SPMAP2L: variants seen among roughly 807,000 people sequenced by gnomAD.
SPMAP2L encodes the protein sperm microtubule associated protein 2 like.
the SPMAP2L span, among the ~76,000 whole-genome samples, chr4:56,544,389 C>T: frequency 1.3e-5 from 2 of 152,150 alleles, no homozygotes; most frequent in African/African-American, 2.4e-5. Context: ...ATACGGTAAC[C>T]TTTACTGAAG....
chr4:56,560,568 A>G, the SPMAP2L span, among the ~76,000 whole-genome samples: 2 of 152,186 alleles, frequency 1.3e-5, no homozygotes, highest in Non-Finnish European at 2.9e-5. Context: ...AAGGTGCTAC[A>G]GGAATCTCCA....
chr4:56,619,303 G>A, the SPMAP2L span, among the ~76,000 whole-genome samples: 1 of 152,112 alleles, frequency 6.6e-6, no homozygotes, highest in African/African-American at 2.4e-5. Context: ...AGTTAAGGAG[G>A]AACTACTGTA....
At chr4:56,604,615 A>C in the SPMAP2L span, among the ~76,000 whole-genome samples, 2 of 151,816 alleles carry the variant, frequency 1.3e-5, no homozygotes, top group Non-Finnish European at 1.5e-5. Context: ...CCGAGATTGC[A>C]CCACTGCACT....
At chr4:56,545,068 T>C in the SPMAP2L span, among the ~76,000 whole-genome samples, 1 of 152,164 alleles carries the variant, frequency 6.6e-6, no homozygotes, top group Non-Finnish European at 1.5e-5. Context: ...TACTGACATT[T>C]GCATGTGATT....
the SPMAP2L span, among the ~76,000 whole-genome samples, chr4:56,549,445 C>T: frequency 0.011 from 1,746 of 152,164 alleles, 19 homozygotes; most frequent in Non-Finnish European, 0.018. Flanking sequence ...ATCTCCCTTG[C>T]CTCTAATTCA....
chr4:56,569,023 G>T, the SPMAP2L span, among the ~76,000 whole-genome samples: 9 of 152,138 alleles, frequency 5.9e-5, no homozygotes, highest in Admixed American at 2.0e-4. Context: ...ATCTTTAATT[G>T]TATGGCTTTG....
the SPMAP2L span, chr4:56,584,552 C>A: frequency 3.3e-6 from 5 of 1,535,246 alleles, no homozygotes; most frequent in African/African-American, 5.5e-5. Context: ...TCCTTCTCCC[C>A]GGATATTACA....
chr4:56,551,792 A>G, the SPMAP2L span, among the ~76,000 whole-genome samples: 3 of 152,182 alleles, frequency 2.0e-5, no homozygotes, highest in African/African-American at 7.2e-5. Context: ...ATAAAAGTTT[A>G]TTTATTTCTC....
chr4:56,575,533 G>C, the SPMAP2L span: 23 of 1,535,460 alleles, frequency 1.5e-5, 1 homozygote, highest in South Asian at 1.7e-4. Flanking sequence ...CTGTGGAAGA[G>C]AGTCTGTAAT....
At chr4:56,556,950 A>G in the SPMAP2L span, among the ~76,000 whole-genome samples, 1 of 151,958 alleles carries the variant, frequency 6.6e-6, no homozygotes, top group African/African-American at 2.4e-5. Context: ...TTGTGAAAGA[A>G]ATGCTAAACA....
the SPMAP2L span, among the ~76,000 whole-genome samples, chr4:56,586,960 T>C: frequency 2.0e-5 from 3 of 152,172 alleles, no homozygotes; most frequent in Non-Finnish European, 1.5e-5. Context: ...TCCTTGAGCA[T>C]GGATTTTATA....
chr4:56,566,518 T>C, the SPMAP2L span, among the ~76,000 whole-genome samples: 1 of 151,842 alleles, frequency 6.6e-6, no homozygotes, highest in African/African-American at 2.4e-5. Context: ...TTTAAATTAA[T>C]TGATTTTTTA....
chr4:56,561,159 TA>T, the SPMAP2L span, among the ~76,000 whole-genome samples: 3 of 152,238 alleles, frequency 2.0e-5, no homozygotes, highest in Non-Finnish European at 4.4e-5. Flanking sequence ...GAAGATGAAT[TA>T]AATAATATTT....
the SPMAP2L span, chr4:56,594,855 C>G: frequency 1.9e-6 from 3 of 1,606,382 alleles, no homozygotes; most frequent in South Asian, 3.3e-5. Flanking sequence ...AATATGAACG[C>G]TCAGGTGGGA....
At chr4:56,596,621 C>G in the SPMAP2L span, 1 of 1,519,388 alleles carries the variant, frequency 6.6e-7, no homozygotes, top group Non-Finnish European at 8.8e-7. Context: ...AGTGAACTGC[C>G]CATCCGTCCT....
At chr4:56,565,517 G>C in the SPMAP2L span, among the ~76,000 whole-genome samples, 1 of 152,098 alleles carries the variant, frequency 6.6e-6, no homozygotes, top group African/African-American at 2.4e-5. Flanking sequence ...ACAACACATA[G>C]TTTATTCATC....
chr4:56,566,695 C>CTTTTTT, the SPMAP2L span, among the ~76,000 whole-genome samples: 533 of 92,354 alleles, frequency 5.8e-3, 2 homozygotes, highest in East Asian at 9.2e-3. Context: ...TTTTCTTTTT[C>CTTTTTT]TTTTTTTTTT....
chr4:56,595,564 C>A, the SPMAP2L span: 3 of 1,393,714 alleles, frequency 2.2e-6, no homozygotes, highest in Non-Finnish European at 2.0e-6. Context: ...AGAGAGGTGG[C>A]AGCATTCCCA....
At chr4:56,546,096 A>T in the SPMAP2L span, among the ~76,000 whole-genome samples, 3 of 152,048 alleles carry the variant, frequency 2.0e-5, no homozygotes, top group South Asian at 6.2e-4. Context: ...GCCCAGCCAC[A>T]TTTTTTTTAA....
Sources: gnomAD v4.1 joint callset for allele counts (sites outside exome capture counted in the v4.1 genomes callset) on GRCh38, gnomAD v4.1.1 for gene constraint, MANE v1.5 for transcripts, NCBI Gene and HGNC (gene_info 2026-07-23, HGNC 2026-07-21) for gene names.